The following CSMD2 variants were observed in gnomAD, a reference collection of about 807,000 sequenced individuals.
The protein encoded by CSMD2 is CUB and sushi domain-containing protein 2.
A neutral mutation model predicts 398.5 loss-of-function variants in CSMD2; 130 were observed. The ratio of observed to expected loss-of-function variants is 0.33; its 90% CI spans 0.28 to 0.38. The LOEUF is 0.38. CSMD2 is among the 10% of genes least tolerant of loss of function. The pLI, the probability that CSMD2 is intolerant of heterozygous loss-of-function variation, is 1.00. For missense variants in CSMD2, 3,829 were observed against 4,764.9 expected, an observed-to-expected ratio of 0.80 and a Z score of 5.78; for synonymous variants, 1,828 against 1,908.5, an observed-to-expected ratio of 0.96 and a Z score of 1.10.
chr1:33,960,108 C>A (rs1645304151), intron 3 of CSMD2, among the ~76,000 whole-genome samples: 1 of 152,184 alleles, frequency 6.6e-6, no homozygotes, highest in East Asian at 1.9e-4. Flanking sequence ...CTGCCCCCAG[C>A]CCACTCTTAC....
At chr1:33,548,627 G>T (rs1356790191) in intron 56 of CSMD2, among the ~76,000 whole-genome samples, 1 of 152,212 alleles carries the variant, frequency 6.6e-6, no homozygotes, top group Admixed American at 6.5e-5. Context: ...CATTGTTTCA[G>T]GAAGGGAGGA....
At chr1:34,014,560 C>T (rs1886641) in intron 3 of CSMD2, among the ~76,000 whole-genome samples, 31,400 of 152,214 alleles carry the variant, frequency 0.21, 3,936 homozygotes, top group East Asian at 0.57. Flanking sequence ...AATCCACAGT[C>T]GCTCTAGTGT....
intron 5 of CSMD2, among the ~76,000 whole-genome samples, chr1:33,914,519 C>T (rs1360521457): frequency 1.3e-5 from 2 of 152,070 alleles, no homozygotes; most frequent in African/African-American, 4.8e-5. Flanking sequence ...CCAGCTTTTG[C>T]TCATGGTCAC....
rs938218387 is a variant in CSMD2, at chr1:33,726,396, G to A, written c.2507+151C>T. The A allele has an allele frequency of 1.2e-5, 11 of 881,520 alleles. No homozygotes were observed. In the Admixed American group the frequency reaches 2.0e-4, roughly 16 times the overall value. 54.6% of individuals were successfully genotyped at this position (881,520 alleles called of 1,614,324 possible). On this transcript the variant is annotated intron_variant, in intron 16 of 70. Transcript: ENST00000373381. ...CCCAAGGGCAGAGCCAGTGAGGTCT[G>A]CCCCACCCAGGGCAATTTGGTCCAG...
intron 26 of CSMD2, among the ~76,000 whole-genome samples, chr1:33,661,932 C>G (rs1023756610): frequency 2.0e-5 from 3 of 152,116 alleles, no homozygotes; most frequent in Non-Finnish European, 4.4e-5. Flanking sequence ...AAACTCCCCC[C>G]CTCCCTCCCA....
chr1:33,852,606 G>C (rs953202161), intron 5 of CSMD2, among the ~76,000 whole-genome samples: 33 of 152,186 alleles, frequency 2.2e-4, no homozygotes, highest in Admixed American at 5.9e-4. Flanking sequence ...CCTGCCCCCA[G>C]TGGACATGGC....
chr1:34,081,919 G>A (rs565594451), intron 2 of CSMD2, among the ~76,000 whole-genome samples: 297 of 150,754 alleles, frequency 2.0e-3, no homozygotes, highest in African/African-American at 6.2e-3. Context: ...AGTGAGGAGC[G>A]TCTCTTCCCG....
At chr1:33,875,348 A>G (rs1423866443) in intron 5 of CSMD2, 1 of 152,222 alleles carries the variant, frequency 6.6e-6, no homozygotes, top group African/African-American at 2.4e-5. Flanking sequence ...CTGTCCAAAG[A>G]GGAAGGGTAT....
intron 25 of CSMD2, among the ~76,000 whole-genome samples, chr1:33,668,452 A>G (rs1490376901): frequency 6.6e-6 from 1 of 152,224 alleles, no homozygotes; most frequent in African/African-American, 2.4e-5. Context: ...GATGGCCAGT[A>G]AAGACTTGGT....
At chr1:33,717,852 A>G (rs1362251604) in intron 19 of CSMD2, among the ~76,000 whole-genome samples, 2 of 152,084 alleles carry the variant, frequency 1.3e-5, no homozygotes, top group African/African-American at 2.4e-5. Context: ...AGCTGGAAAG[A>G]GGGAGGAGGG....
At chr1:33,640,530 G>A (rs769741334) in intron 29 of CSMD2, among the ~76,000 whole-genome samples, 2 of 152,184 alleles carry the variant, frequency 1.3e-5, no homozygotes, top group Admixed American at 6.5e-5. Context: ...TTAGCATTAC[G>A]AAGCAGAGCT....
At chr1:33,885,839 C>T (rs1426170025) in intron 5 of CSMD2, among the ~76,000 whole-genome samples, 1 of 152,152 alleles carries the variant, frequency 6.6e-6, no homozygotes, top group Non-Finnish European at 1.5e-5. Flanking sequence ...TGGTTAAGAG[C>T]ATGGGCTTGG....
At chr1:33,885,586 T>TGGGGGTTCTGGGATC (rs746641079) in intron 5 of CSMD2, 7 of 152,118 alleles carry the variant, frequency 4.6e-5, no homozygotes, top group Non-Finnish European at 7.3e-5. Flanking sequence ...GAAGCAGGAA[T>TGGGGGTTCTGGGATC]GGGGGTTCTG....
intron 1 of CSMD2, among the ~76,000 whole-genome samples, chr1:34,138,809 T>C (rs1639003399): frequency 6.9e-6 from 1 of 144,860 alleles, no homozygotes; most frequent in Non-Finnish European, 1.5e-5. Flanking sequence ...CATATACTCC[T>C]TTTTTTGAAA....
At chr1:33,793,075 G>A (rs1654517244) in intron 10 of CSMD2, among the ~76,000 whole-genome samples, 1 of 152,194 alleles carries the variant, frequency 6.6e-6, no homozygotes, top group Admixed American at 6.5e-5. Context: ...CTCCCCATAT[G>A]CCAGGCTGGG....
intron 13 of CSMD2, among the ~76,000 whole-genome samples, chr1:33,758,702 TGGTG>T (rs1297539918): frequency 6.6e-6 from 1 of 152,194 alleles, no homozygotes; most frequent in Non-Finnish European, 1.5e-5. Flanking sequence ...TCTCTTGAGG[TGGTG>T]CTCTCTTCCC....
At chr1:33,714,339 T>C (rs1376645564) in intron 21 of CSMD2, among the ~76,000 whole-genome samples, 1 of 152,136 alleles carries the variant, frequency 6.6e-6, no homozygotes, top group Non-Finnish European at 1.5e-5. Flanking sequence ...TGGACCTAAT[T>C]TGTAAAGGTC....
Position 34,057,082 on chromosome 1 carries a change from G to A in CSMD2, c.405-24376C>T, listed in dbSNP as rs531747630. Among the ~76,000 whole-genome samples, 21 of 152,236 alleles carry A rather than the reference G, an allele frequency of 1.4e-4. No individual in the cohort carries two copies. The South Asian group carries it at 2.7e-3, about 20-fold the overall frequency. On this transcript the variant is annotated intron_variant, in intron 2 of 70. Transcript: ENST00000373381. ...ATGTGGCATCTACTGGATCTGCTGCGTCTCCCCTCCACTCCCAGTGACACC... is the reference window on the plus strand; with the variant it reads ...ATGTGGCATCTACTGGATCTGCTGCATCTCCCCTCCACTCCCAGTGACACC...
At chr1:33,561,125 G>GGGAC (rs1570737573) in intron 53 of CSMD2, among the ~76,000 whole-genome samples, 1 of 152,174 alleles carries the variant, frequency 6.6e-6, no homozygotes, top group Non-Finnish European at 1.5e-5. Context: ...GGTGATAATG[G>GGGAC]GGACGGGGGT....
Sources: allele counts gnomAD v4.1 joint callset (sites outside exome capture counted in the v4.1 genomes callset), GRCh38; gene constraint gnomAD v4.1.1; transcripts MANE v1.5; gene names NCBI Gene and HGNC (gene_info 2026-07-23, HGNC 2026-07-21).